The following TAFA2 variants were observed in gnomAD, a reference collection of about 807,000 sequenced individuals.
The protein encoded by TAFA2 is chemokine-like protein TAFA-2.
Under a neutral mutation model 18.8 loss-of-function variants are expected in TAFA2, and 7 were observed. That is an observed-to-expected ratio of 0.37 (90% CI 0.21 to 0.70). The LOEUF is 0.70. TAFA2 is among the 30% of genes least tolerant of loss of function. The pLI is 0.53. For missense variants in TAFA2, 122 were observed against 158.1 expected, an observed-to-expected ratio of 0.77 and a Z score of 1.23; for synonymous variants, 60 against 54.2, an observed-to-expected ratio of 1.11 and a Z score of -0.47.
intron 1 of TAFA2, among the ~76,000 whole-genome samples, chr12:62,229,821 G>A (rs1000857099): frequency 6.6e-6 from 1 of 152,008 alleles, no homozygotes; most frequent in Non-Finnish European, 1.5e-5. Flanking sequence ...GTAGAATTTA[G>A]AAGTGAAGTC....
chr12:62,012,882 A>G (rs917384336), intron 1 of TAFA2, among the ~76,000 whole-genome samples: 1 of 152,210 alleles, frequency 6.6e-6, no homozygotes, highest in Non-Finnish European at 1.5e-5. Flanking sequence ...AGTTTGCAGA[A>G]AATCATGGAA....
chr12:61,876,302 C>T (rs1178522356), intron 1 of TAFA2, among the ~76,000 whole-genome samples: 1 of 152,150 alleles, frequency 6.6e-6, no homozygotes, highest in Non-Finnish European at 1.5e-5. Context: ...CTTTCTCCTG[C>T]ATGCTGGCAA....
At chr12:62,035,733 CTTTTTTTT>C (rs34859628) in intron 1 of TAFA2, among the ~76,000 whole-genome samples, 1 of 60,228 alleles carries the variant, frequency 1.7e-5, no homozygotes, top group South Asian at 7.0e-4. Flanking sequence ...ATGATTCTTT[CTTTTTTTT>C]TTTTTTTTTT....
chr12:62,044,860 C>T (rs1212978982), intron 1 of TAFA2, among the ~76,000 whole-genome samples: 1 of 152,140 alleles, frequency 6.6e-6, no homozygotes, highest in African/African-American at 2.4e-5. Context: ...AGCTTCTAAA[C>T]CATGTGAGAA....
intron 2 of TAFA2, among the ~76,000 whole-genome samples, chr12:61,795,280 C>A (rs538221889): frequency 5.3e-5 from 8 of 152,092 alleles, no homozygotes; most frequent in African/African-American, 1.9e-4. Flanking sequence ...CACATGCACA[C>A]GTATGTTTAT....
chr12:62,092,939 C>G (rs1592330740), intron 1 of TAFA2, among the ~76,000 whole-genome samples: 1 of 152,022 alleles, frequency 6.6e-6, no homozygotes, highest in African/African-American at 2.4e-5. Flanking sequence ...ATACTCGGCA[C>G]TTACCATGGT....
intron 1 of TAFA2, among the ~76,000 whole-genome samples, chr12:61,938,235 A>G (rs1269503151): frequency 1.4e-5 from 2 of 147,574 alleles, no homozygotes; most frequent in African/African-American, 5.3e-5. Context: ...TATGGTAAAA[A>G]AAAAAAAAAA....
chr12:61,852,206 C>CAAA (rs200785282), intron 2 of TAFA2, among the ~76,000 whole-genome samples: 3 of 83,174 alleles, frequency 3.6e-5, no homozygotes, highest in African/African-American at 1.1e-4. Flanking sequence ...AACTTCGTCT[C>CAAA]AAAAAAAAAA....
At chr12:62,186,646 C>A (rs1430597960) in intron 1 of TAFA2, among the ~76,000 whole-genome samples, 1 of 152,068 alleles carries the variant, frequency 6.6e-6, no homozygotes, top group Non-Finnish European at 1.5e-5. Flanking sequence ...TGCTAACTAG[C>A]CATTCAGGGG....
intron 1 of TAFA2, among the ~76,000 whole-genome samples, chr12:62,167,507 T>C (rs971394821): frequency 1.3e-5 from 2 of 152,178 alleles, no homozygotes; most frequent in Non-Finnish European, 2.9e-5. Context: ...ATTGGTGTCA[T>C]TGATATCCAG....
intron 1 of TAFA2, among the ~76,000 whole-genome samples, chr12:61,901,475 C>T (rs867334685): frequency 1.3e-5 from 2 of 151,200 alleles, no homozygotes; most frequent in African/African-American, 4.8e-5. Flanking sequence ...TCCTATTCTT[C>T]AACTTTGTAG....
At chr12:62,006,495 A>T (rs1231999145) in intron 1 of TAFA2, among the ~76,000 whole-genome samples, 1 of 152,172 alleles carries the variant, frequency 6.6e-6, no homozygotes, top group Non-Finnish European at 1.5e-5. Flanking sequence ...TACACTTAAA[A>T]TGGGAGATAA....
chr12:62,185,829 C>T (rs2062582326), intron 1 of TAFA2, among the ~76,000 whole-genome samples: 1 of 152,112 alleles, frequency 6.6e-6, no homozygotes, highest in Non-Finnish European at 1.5e-5. Flanking sequence ...GAAGGCCTGC[C>T]CTCTCAAAGA....
intron 1 of TAFA2, among the ~76,000 whole-genome samples, chr12:61,927,603 T>C (rs1179777299): frequency 2.0e-5 from 3 of 152,178 alleles, no homozygotes; most frequent in African/African-American, 7.2e-5. Context: ...AATTTACAGA[T>C]TCAATGCTAT....
At chr12:62,247,195 T>C (rs774974500) in intron 1 of TAFA2, among the ~76,000 whole-genome samples, 3 of 152,204 alleles carry the variant, frequency 2.0e-5, no homozygotes, top group Non-Finnish European at 4.4e-5. Flanking sequence ...GACCCTTAAA[T>C]TTTTAACATG....
Position 61,867,383 on chromosome 12 carries a change from G to C in TAFA2, c.43C>G (p.Leu15Val). ...YLQKATKGKL[L>V]IIIFIVTLWG... ...AAGGTTACAATAAATATTATTATTA[G>C]CAGTTTTCCTTTTGTTGCTTTCTGT... Residue 15 changes from leucine (L) to valine (V), a missense_variant, in exon 2 of 5, where the codon CTA (leucine) becomes GTA (valine). This residue lies in a region of TAFA2 where 62 missense variants were observed against 55.5 expected (regional missense o/e 1.12). Transcript: ENST00000416284. 6.2e-7 allele frequency: 1 copy of C among 1,608,516 alleles called. No homozygotes were observed. The highest frequency in any genetic ancestry group is 8.5e-7 in the Non-Finnish European group (1 of 1,176,232).
chr12:62,008,876 T>G (rs1338911419), intron 1 of TAFA2, among the ~76,000 whole-genome samples: 1 of 152,200 alleles, frequency 6.6e-6, no homozygotes, highest in Non-Finnish European at 1.5e-5. Flanking sequence ...AGAAAATTGT[T>G]GGGTCGAATA....
intron 1 of TAFA2, among the ~76,000 whole-genome samples, chr12:62,138,373 A>G (rs2062214949): frequency 6.6e-6 from 1 of 152,096 alleles, no homozygotes; most frequent in African/African-American, 2.4e-5. Flanking sequence ...CATGGTATGT[A>G]TTATCATTTG....
intron 1 of TAFA2, among the ~76,000 whole-genome samples, chr12:62,121,952 T>C (rs1870216166): frequency 6.6e-6 from 1 of 152,154 alleles, no homozygotes; most frequent in Non-Finnish European, 1.5e-5. Flanking sequence ...AGATGGAGCT[T>C]AGCAAATTAA....
Sources: gnomAD v4.1 joint callset for allele counts (sites outside exome capture counted in the v4.1 genomes callset) on GRCh38, gnomAD v4.1.1 for gene constraint, gnomAD v4.1.1 regional missense constraint, MANE v1.5 for transcripts, NCBI Gene and HGNC (gene_info 2026-07-23, HGNC 2026-07-21) for gene names.